PBRM1: variants seen among roughly 807,000 people sequenced by gnomAD.
PBRM1 encodes the protein protein polybromo-1.
A neutral mutation model predicts 194.5 loss-of-function variants in PBRM1; 27 were observed. The observed-to-expected ratio is 0.14, with a 90% CI of 0.10 to 0.19. The LOEUF (loss-of-function observed/expected upper bound fraction) is 0.19, where lower values mean the gene tolerates loss of function less well. Ranked by LOEUF, PBRM1 falls within the 10% of genes least tolerant of loss-of-function variation. PBRM1 has a pLI of 1.00. For synonymous variants in PBRM1, 655 were observed against 693.2 expected (o/e 0.94, Z 0.87); for missense variants, 1,466 against 2,077.2 (o/e 0.71, Z 5.72).
intron 8 of PBRM1, 65 bp from the exon 10 acceptor site, chr3:52,643,408 A>AACACACAC: frequency 1.0e-6 from 1 of 953,810 alleles, no homozygotes; most frequent in Non-Finnish European, 1.7e-6. Flanking sequence ...TGGGTAAACA[A>AACACACAC]ACACACACAC....
intron 16 of PBRM1, among the ~76,000 whole-genome samples, chr3:52,607,551 T>C (rs947580376): frequency 4.6e-5 from 7 of 152,122 alleles, no homozygotes; most frequent in African/African-American, 7.2e-5. Context: ...CAAATACTCA[T>C]TGAAAGACTC....
At chr3:52,566,852 T>C (rs1188035906) in intron 22 of PBRM1, among the ~76,000 whole-genome samples, 2 of 152,174 alleles carry the variant, frequency 1.3e-5, no homozygotes, top group African/African-American at 4.8e-5. Flanking sequence ...GCGGATCACC[T>C]GAGGTCAGGA....
chr3:52,572,505 G>C (rs905320838), intron 22 of PBRM1, among the ~76,000 whole-genome samples: 1 of 152,054 alleles, frequency 6.6e-6, no homozygotes, highest in African/African-American at 2.4e-5. Flanking sequence ...CTGAGTAGCC[G>C]GGATTACAGG....
At chr3:52,641,812 C>A in intron 10 of PBRM1, 142 bp downstream of exon 11, 1 of 731,306 alleles carries the variant, frequency 1.4e-6, no homozygotes, top group East Asian at 2.5e-5. Flanking sequence ...ATAGGTCTGA[C>A]TACCAGAGTA....
chr3:52,573,611 T>C (rs1422511715), intron 22 of PBRM1, among the ~76,000 whole-genome samples: 1 of 152,182 alleles, frequency 6.6e-6, no homozygotes, highest in African/African-American at 2.4e-5. Context: ...TAACACATTC[T>C]AACAGGCATC....
intron 9 of PBRM1, among the ~76,000 whole-genome samples, chr3:52,642,654 C>A (rs1047894754): frequency 2.0e-5 from 3 of 149,884 alleles, no homozygotes; most frequent in African/African-American, 7.3e-5. Context: ...ACAAAAAATT[C>A]TATTATGAAT....
At chr3:52,555,702 G>A (rs773557437) in intron 26 of PBRM1, among the ~76,000 whole-genome samples, 1 of 152,110 alleles carries the variant, frequency 6.6e-6, no homozygotes, top group Non-Finnish European at 1.5e-5. Context: ...CCTTAACAGG[G>A]AGCATTTTAA....
At chr3:52,604,098 T>A (rs965410375) in intron 16 of PBRM1, among the ~76,000 whole-genome samples, 1 of 152,238 alleles carries the variant, frequency 6.6e-6, no homozygotes, top group Non-Finnish European at 1.5e-5. Flanking sequence ...CAACACTTAC[T>A]CGTATCTATT....
intron 20 of PBRM1, among the ~76,000 whole-genome samples, chr3:52,582,819 C>T (rs779582705): frequency 2.7e-5 from 4 of 150,860 alleles, no homozygotes; most frequent in East Asian, 2.0e-4. Flanking sequence ...GACACCGGGC[C>T]GGGCACGGTG....
intron 15 of PBRM1, among the ~76,000 whole-genome samples, chr3:52,611,116 T>C (rs984211212): frequency 1.3e-5 from 2 of 152,194 alleles, no homozygotes; most frequent in African/African-American, 4.8e-5. Context: ...AATACATATT[T>C]TGAAAACTGG....
chr3:52,642,635 A>G (rs1247688283), intron 9 of PBRM1, among the ~76,000 whole-genome samples: 1 of 151,172 alleles, frequency 6.6e-6, no homozygotes, highest in African/African-American at 2.4e-5. Flanking sequence ...AAAACCAAAA[A>G]CCAAACAAAC....
chr3:52,612,905 CAAAA>C (rs576855027), intron 15 of PBRM1, among the ~76,000 whole-genome samples: 7 of 85,382 alleles, frequency 8.2e-5, no homozygotes, highest in South Asian at 4.4e-4. Context: ...GAATCCGTCT[CAAAA>C]AAAAAAAAAA....
exon 5 of PBRM1, chr3:52,658,311 G>A (rs1182431123): frequency 6.4e-7 from 1 of 1,561,234 alleles, no homozygotes; most frequent in Non-Finnish European, 8.8e-7. Flanking sequence ...GTAAGCTGGA[G>A]AAGACTGGTA....
intron 20 of PBRM1, among the ~76,000 whole-genome samples, chr3:52,581,542 AC>A (rs1173586222): frequency 6.6e-6 from 1 of 151,888 alleles, no homozygotes; most frequent in African/African-American, 2.4e-5. Context: ...CATATACATG[AC>A]AGGCAAGGGA....
intron 13 of PBRM1, among the ~76,000 whole-genome samples, chr3:52,620,940 G>C (rs758569448): frequency 6.6e-6 from 1 of 152,090 alleles, no homozygotes; most frequent in Non-Finnish European, 1.5e-5. Context: ...GTGCCTTAGA[G>C]ACTGAGAGCC....
intron 10 of PBRM1, among the ~76,000 whole-genome samples, chr3:52,637,762 T>C (rs1577250778): frequency 1.8e-5 from 1 of 57,038 alleles, no homozygotes; most frequent in East Asian, 5.1e-4. Context: ...ACCATGTCTC[T>C]ACTAAAAATA....
At chr3:52,684,144 G>A (rs1200899233), upstream of PBRM1, among the ~76,000 whole-genome samples, 2 of 135,342 alleles carry the variant, frequency 1.5e-5, no homozygotes, top group African/African-American at 2.8e-5. Flanking sequence ...CTCCAGCCTG[G>A]GCAACAAAGT....
At chr3:52,647,419 G>A (rs1456721293) in intron 7 of PBRM1, among the ~76,000 whole-genome samples, 1 of 93,034 alleles carries the variant, frequency 1.1e-5, no homozygotes, top group African/African-American at 4.3e-5. Context: ...TCCTAGGTAT[G>A]TATCAAAGAG....
At chr3:52,604,120 T>A (rs2094183807) in intron 16 of PBRM1, among the ~76,000 whole-genome samples, 1 of 152,264 alleles carries the variant, frequency 6.6e-6, no homozygotes, top group Non-Finnish European at 1.5e-5. Flanking sequence ...TTTGAATTTT[T>A]ACTTTCTCTT....
Sources: gnomAD v4.1 joint callset for allele counts (sites outside exome capture counted in the v4.1 genomes callset) on GRCh38, gnomAD v4.1.1 for gene constraint, MANE v1.5 for transcripts, NCBI Gene and HGNC (gene_info 2026-07-23, HGNC 2026-07-21) for gene names.